AGAP1: variants seen among roughly 807,000 people sequenced by gnomAD.
AGAP1 encodes arf-GAP with GTPase, ANK repeat and PH domain-containing protein 1.
Under a neutral mutation model 105.3 loss-of-function variants are expected in AGAP1, and 29 were observed. The ratio of observed to expected loss-of-function variants is 0.28; its 90% CI spans 0.21 to 0.38. The LOEUF is 0.38. Among genes scored for constraint, AGAP1 ranks in the 10% least tolerant of loss-of-function variants. The pLI is 1.00. For synonymous variants in AGAP1, 509 were observed against 485.9 expected, an observed-to-expected ratio of 1.05 and a Z score of -0.63; for missense variants, 998 against 1,165.1, an observed-to-expected ratio of 0.86 and a Z score of 2.09.
In AGAP1 at chr2:236,130,500, A is replaced by G. The variant is rs935463313; in HGVS notation, c.*6378A>G. 3 of 152,222 alleles carry G rather than the reference A, an allele frequency of 2.0e-5. No individual in the cohort carries two copies. The highest frequency in any genetic ancestry group is 1.3e-4 in the Admixed American group (2 of 15,272). The allele number at this position is 152,222 out of a possible 1,614,324, so 9.4% of individuals were successfully genotyped here. A position where few individuals can be genotyped will look rare whatever the true frequency, so the allele number is the denominator to read the frequency against. On this transcript the variant is annotated 3_prime_UTR_variant, in exon 18 of 18. Transcript: ENST00000304032. The surrounding 1 kb of genome is among the most constrained non-coding windows in gnomAD (Gnocchi z 5.8). ...TTGGGAACAGCTGCCCCTAAATCCA[A>G]TTAAACCCTCATCTCCCTGGTGCTG...
intron 1 of AGAP1, among the ~76,000 whole-genome samples, chr2:235,536,971 C>A (rs1175233618): frequency 7.2e-5 from 11 of 152,246 alleles, no homozygotes; most frequent in African/African-American, 2.6e-4. Flanking sequence ...CCAACTCCTC[C>A]GTGAGTCCAT....
intron 1 of AGAP1, among the ~76,000 whole-genome samples, chr2:235,572,189 G>A (rs1559257648): frequency 6.6e-6 from 1 of 151,654 alleles, no homozygotes; most frequent in East Asian, 2.0e-4. Flanking sequence ...ATTACTGAGA[G>A]CCCTTGAGGG....
At position 235,956,277 on chromosome 2, in the gene AGAP1, G is replaced by A. The variant is rs76399245; in HGVS notation, c.1484-12185G>A. On this transcript the variant is annotated intron_variant, in intron 12 of 17. Coordinates refer to ENST00000304032, the MANE Select transcript of AGAP1 (RefSeq NM_001037131.3). ...GCCTTCCCATTTATCGGAGTTCACC[G>A]TATTAATTTAAACTTTGTGCTGCTT... is the stretch of plus-strand genomic sequence containing the variant. 3.7e-3 allele frequency among the ~76,000 whole-genome samples: 562 copies of A among 152,306 alleles called. 9 individuals carry two copies. Among genetic ancestry groups the A allele is most frequent in the East Asian group, 0.033 (171 of 5,178 alleles).
At chr2:235,755,839 CT>C (rs1220637293) in intron 6 of AGAP1, among the ~76,000 whole-genome samples, 3 of 152,200 alleles carry the variant, frequency 2.0e-5, no homozygotes, top group Non-Finnish European at 4.4e-5. Flanking sequence ...GAGTGTGTGT[CT>C]GACATGGGAC....
Position 235,665,021 on chromosome 2 carries a change from G to C in AGAP1, c.164-44158G>C, listed in dbSNP as rs1472201930. On this transcript the variant is annotated intron_variant, in intron 1 of 17. Coordinates refer to ENST00000304032, the MANE Select transcript of AGAP1 (RefSeq NM_001037131.3). This position sits in a 1 kb window ranked among gnomAD's most constrained non-coding sequence, Gnocchi z 5.3. ...GAATCATCTGAGGTGAGGCGTTCGA[G>C]ACCAGCCTGGGCAACATGGCAAGAC... 6.6e-6 allele frequency among the ~76,000 whole-genome samples: 1 copy of C among 152,144 alleles called. No individual in the cohort carries two copies. Among genetic ancestry groups the C allele is most frequent in the Admixed American group, 6.5e-5 (1 of 15,280 alleles).
At chr2:235,505,247 C>CT (rs773850597) in intron 1 of AGAP1, among the ~76,000 whole-genome samples, 1 of 152,176 alleles carries the variant, frequency 6.6e-6, no homozygotes, top group East Asian at 1.9e-4. Context: ...AGAAAAAAAG[C>CT]TAAGTGTTGC....
intron 9 of AGAP1, among the ~76,000 whole-genome samples, chr2:235,876,470 C>A (rs762994432): frequency 6.6e-6 from 1 of 152,214 alleles, no homozygotes; most frequent in Non-Finnish European, 1.5e-5. Context: ...TGGCTCCTCC[C>A]CAGCCACCCT....
intron 6 of AGAP1, among the ~76,000 whole-genome samples, chr2:235,759,356 A>C (rs1408478505): frequency 6.7e-6 from 1 of 149,894 alleles, no homozygotes; most frequent in South Asian, 2.1e-4. Context: ...TTTTTAGTAG[A>C]GACGGGCTTT....
chr2:236,085,448 A>G (rs2058905028), intron 16 of AGAP1, among the ~76,000 whole-genome samples: 1 of 152,066 alleles, frequency 6.6e-6, no homozygotes, highest in Non-Finnish European at 1.5e-5. Flanking sequence ...CAGATGATCA[A>G]ATCTCTAATG....
In AGAP1 at chr2:235,631,071, A is replaced by G. The variant is rs969630633; in HGVS notation, c.164-78108A>G. On this transcript the variant is annotated intron_variant, in intron 1 of 17. Coordinates refer to ENST00000304032, the MANE Select transcript of AGAP1 (RefSeq NM_001037131.3). The surrounding 1 kb of genome is among the most constrained non-coding windows in gnomAD (Gnocchi z 5.4). ...AATATTTTGACAGGGCCCACAGTCT[A>G]GCTCCTTCATATGCAAATGCACTGG... is the stretch of plus-strand genomic sequence containing the variant. Among the ~76,000 whole-genome samples the G allele has an allele frequency of 1.3e-5, 2 of 152,322 alleles. No individual in the cohort carries two copies. The highest frequency in any genetic ancestry group is 1.3e-4 in the Admixed American group (2 of 15,300).
intron 1 of AGAP1, among the ~76,000 whole-genome samples, chr2:235,526,163 A>T (rs71361985): frequency 0.23 from 848 of 3,638 alleles, 355 homozygotes; most frequent in East Asian, 1. Context: ...TGATTTATAA[A>T]GTAGAGGACT....
intron 6 of AGAP1, among the ~76,000 whole-genome samples, chr2:235,796,070 C>A (rs1013857620): frequency 6.6e-6 from 1 of 152,204 alleles, no homozygotes; most frequent in African/African-American, 2.4e-5. Context: ...ACATTTCTTA[C>A]GAATGTAAAG....
Position 235,558,781 on chromosome 2 carries a change from A to G in AGAP1, c.163+63932A>G, listed in dbSNP as rs572231299. Among the ~76,000 whole-genome samples, 6 of 152,312 alleles carry G rather than the reference A, an allele frequency of 3.9e-5. No individual in the cohort carries two copies. The East Asian group carries it at 5.8e-4, about 15-fold the overall frequency. On this transcript the variant is annotated intron_variant, in intron 1 of 17. Coordinates refer to ENST00000304032, the MANE Select transcript of AGAP1 (RefSeq NM_001037131.3). Reference sequence around the variant, plus strand: ...CCGTTATGCCCTCAGCCATAAACACATTGTGCAAATTGATTTCTTGAGGAG... The same window carrying G: ...CCGTTATGCCCTCAGCCATAAACACGTTGTGCAAATTGATTTCTTGAGGAG...
chr2:235,677,870 C>G (rs1948830551), intron 1 of AGAP1, among the ~76,000 whole-genome samples: 1 of 110,590 alleles, frequency 9.0e-6, no homozygotes, highest in Non-Finnish European at 1.7e-5. Flanking sequence ...GAATATTTAT[C>G]CAGTTTCTGC....
intron 1 of AGAP1, among the ~76,000 whole-genome samples, chr2:235,632,252 C>T (rs1408030955): frequency 6.6e-6 from 1 of 152,216 alleles, no homozygotes; most frequent in East Asian, 1.9e-4. Context: ...CTCCCACCAC[C>T]AGAGCAGTGT....
Position 235,878,910 on chromosome 2 carries a change from C to G in AGAP1, c.1051-4435C>G, listed in dbSNP as rs533855926. ...AGGTGCCTGCCAGAGGGATCCTGAGCAGCCGCCCCTTGGTGGTTGTGCTTT... is the reference window on the plus strand; with the variant it reads ...AGGTGCCTGCCAGAGGGATCCTGAGGAGCCGCCCCTTGGTGGTTGTGCTTT... On this transcript the variant is annotated intron_variant, in intron 9 of 17. Transcript: ENST00000304032. Among the ~76,000 whole-genome samples, 7 of 152,322 alleles carry G rather than the reference C, an allele frequency of 4.6e-5. No homozygotes were observed. The South Asian group carries it at 1.4e-3, about 32-fold the overall frequency.
chr2:235,633,303 G>A lies in AGAP1; in HGVS notation c.164-75876G>A, dbSNP rs557434411. Reference sequence around the variant, plus strand: ...GTAGAAGTGGAATTGGACAAATAGGGCATGAGCGGGCCGGGCGTGGTGGCT... The same window carrying A: ...GTAGAAGTGGAATTGGACAAATAGGACATGAGCGGGCCGGGCGTGGTGGCT... On this transcript the variant is annotated intron_variant, in intron 1 of 17. Transcript: ENST00000304032. This position sits in a 1 kb window ranked among gnomAD's most constrained non-coding sequence, Gnocchi z 4.8. Among the ~76,000 whole-genome samples the A allele has an allele frequency of 6.6e-6, 1 of 152,178 alleles. No homozygotes were observed. The highest frequency in any genetic ancestry group is 2.4e-5 in the African/African-American group (1 of 41,546).
Position 235,905,730 on chromosome 2 carries a change from C to T in AGAP1, c.1156-3008C>T, listed in dbSNP as rs530992595. 6.6e-6 allele frequency among the ~76,000 whole-genome samples: 1 copy of T among 152,174 alleles called. No homozygotes were observed. The highest frequency in any genetic ancestry group is 2.1e-4 in the South Asian group (1 of 4,828). On this transcript the variant is annotated intron_variant, in intron 10 of 17. Coordinates refer to ENST00000304032, the MANE Select transcript of AGAP1 (RefSeq NM_001037131.3). This position sits in a 1 kb window ranked among gnomAD's most constrained non-coding sequence, Gnocchi z 4.2. ...GCTAGGCTGGTCTTGAACTCCTGAC[C>T]TCAAGTGATCCACTCTCCTCGGCCT...
At chr2:235,944,325 CT>C (rs1366971716) in intron 12 of AGAP1, among the ~76,000 whole-genome samples, 3 of 152,212 alleles carry the variant, frequency 2.0e-5, no homozygotes, top group Non-Finnish European at 4.4e-5. Flanking sequence ...GGCTTACTCT[CT>C]GAGCATTCAT....
Sources: allele counts gnomAD v4.1 joint callset (sites outside exome capture counted in the v4.1 genomes callset), GRCh38; gene constraint gnomAD v4.1.1; non-coding constraint Gnocchi (gnomAD v3.1); transcripts MANE v1.5; gene names NCBI Gene and HGNC (gene_info 2026-07-23, HGNC 2026-07-21).